Variants in CHP1 observed in about 807,000 individuals in gnomAD.
The protein encoded by CHP1 is calcineurin B homologous protein 1.
In CHP1, 11 loss-of-function variants were observed where a neutral mutation model predicts 27.4. The observed-to-expected ratio is 0.40, with a 90% CI of 0.25 to 0.67. CHP1 has a LOEUF of 0.67. CHP1 is among the 30% of genes least tolerant of loss of function. The pLI is 0.38. For missense variants in CHP1, 169 were observed against 251.3 expected (o/e 0.67, Z 2.22); for synonymous variants, 89 against 87.4 (o/e 1.02, Z -0.10).
chr15:41,253,660 T>C (rs954050267), intron 2 of CHP1, among the ~76,000 whole-genome samples: 4 of 151,710 alleles, frequency 2.6e-5, no homozygotes, highest in African/African-American at 9.7e-5. Flanking sequence ...TTCACCGTGT[T>C]AGCCAGGTTG....
At chr15:41,267,929 TAAA>T (rs57565577) in intron 4 of CHP1, among the ~76,000 whole-genome samples, 7 of 117,244 alleles carry the variant, frequency 6.0e-5, no homozygotes, top group Non-Finnish European at 1.1e-4. Flanking sequence ...CCCTATCTCT[TAAA>T]AAAAAAAAAA....
chr15:41,271,896 A>G (rs976772562), intron 5 of CHP1, among the ~76,000 whole-genome samples: 1 of 152,208 alleles, frequency 6.6e-6, no homozygotes, highest in Non-Finnish European at 1.5e-5. Flanking sequence ...TGTTCTGAAG[A>G]AAAAAAGACA....
chr15:41,278,708 T>C, intron 5 of CHP1, 59 bp from the exon 6 acceptor site: 6 of 1,606,560 alleles, frequency 3.7e-6, no homozygotes, highest in Non-Finnish European at 5.1e-6. Flanking sequence ...TTTTTAATCT[T>C]AGTAAAGAGT....
intron 1 of CHP1, among the ~76,000 whole-genome samples, chr15:41,238,645 C>T (rs992438169): frequency 1.3e-5 from 2 of 151,516 alleles, no homozygotes; most frequent in East Asian, 3.9e-4. Flanking sequence ...TCGAGATCAT[C>T]CTGGCTAACA....
intron 1 of CHP1, 148 bp downstream of exon 1, chr15:41,231,597 C>T (rs569780691): frequency 2.8e-6 from 2 of 710,414 alleles, no homozygotes; most frequent in Non-Finnish European, 4.9e-6. Flanking sequence ...AGCTGGAAGA[C>T]CTGTTCTTCC....
At chr15:41,236,781 A>C (rs1461247722) in intron 1 of CHP1, among the ~76,000 whole-genome samples, 3 of 152,098 alleles carry the variant, frequency 2.0e-5, no homozygotes, top group African/African-American at 7.2e-5. Context: ...TTTACGTAAC[A>C]ACAATACTAT....
At chr15:41,248,118 G>T (rs923360219) in intron 2 of CHP1, among the ~76,000 whole-genome samples, 3 of 151,970 alleles carry the variant, frequency 2.0e-5, no homozygotes, top group African/African-American at 7.2e-5. Context: ...TATCTATGAT[G>T]TGCCAGACAC....
chr15:41,233,906 G>A (rs6492993), intron 1 of CHP1, among the ~76,000 whole-genome samples: 76,343 of 151,892 alleles, frequency 0.5, 20,750 homozygotes, highest in African/African-American at 0.72. Flanking sequence ...GGAACCATCA[G>A]TTTATCCAAA....
In CHP1 at chr15:41,262,843, T is replaced by A; in HGVS notation, c.309T>A (p.Asn103Lys). Residue 103 changes from asparagine (N) to lysine (K), a missense_variant, in exon 4 of 7, where the codon AAT becomes AAA. Coordinates refer to ENST00000334660, the MANE Select transcript of CHP1 (RefSeq NM_007236.5). ...IEDNEKSKDVNGPEPLNSRSN... is the reference protein window; with the variant it reads ...IEDNEKSKDVKGPEPLNSRSN... ...ATAATGAAAAGAGCAAAGATGTGAA[T>A]GGACCCGAACCACTCAACAGCCGAA... 6.2e-7 allele frequency: 1 copy of A among 1,614,178 alleles called. No individual in the cohort carries two copies. The highest frequency in any genetic ancestry group is 1.3e-5 in the African/African-American group (1 of 75,056).
At chr15:41,277,762 T>A (rs1401881558) in intron 5 of CHP1, among the ~76,000 whole-genome samples, 1 of 138,258 alleles carries the variant, frequency 7.2e-6, no homozygotes, top group Non-Finnish European at 1.5e-5. Flanking sequence ...CACTCCAGCC[T>A]GGGCAACAAG....
Position 41,231,317 on chromosome 15 carries a change from C to G in CHP1, c.-66C>G. Reference sequence around the variant, plus strand: ...CTTGACCCCTAGCCCTTCCTTCCCTCCCTCCTTCCCTCCTGTCGCCGTCTC... The same window carrying G: ...CTTGACCCCTAGCCCTTCCTTCCCTGCCTCCTTCCCTCCTGTCGCCGTCTC... On this transcript the variant is annotated 5_prime_UTR_variant, in exon 1 of 7. Coordinates refer to ENST00000334660, the MANE Select transcript of CHP1 (RefSeq NM_007236.5). The G allele has an allele frequency of 6.8e-7, 1 of 1,460,438 alleles. No individual in the cohort carries two copies. The highest frequency in any genetic ancestry group is 9.4e-7 in the Non-Finnish European group (1 of 1,062,472). 90.5% of individuals were successfully genotyped at this position (1,460,438 alleles called of 1,614,324 possible). A position where few individuals can be genotyped will look rare whatever the true frequency, so the allele number is the denominator to read the frequency against.
At position 41,279,491 on chromosome 15, in the gene CHP1, A is replaced by C; in HGVS notation, c.*102A>C. The C allele has an allele frequency of 2.1e-6, 2 of 955,652 alleles. No homozygotes were observed. Among genetic ancestry groups the C allele is most frequent in the Non-Finnish European group, 3.3e-6 (2 of 604,696 alleles). The allele number at this position is 955,652 out of a possible 1,614,324, so 59.2% of individuals were successfully genotyped here. A position where few individuals can be genotyped will look rare whatever the true frequency, so the allele number is the denominator to read the frequency against. On this transcript the variant is annotated 3_prime_UTR_variant, in exon 7 of 7. Coordinates refer to ENST00000334660, the MANE Select transcript of CHP1 (RefSeq NM_007236.5). ...CCACCCCCTCATTCCCCTTCTCCCA[A>C]AGTACTACTGCTGTTGCATGACAAC...
chr15:41,253,247 T>C (rs1222522648), intron 2 of CHP1, among the ~76,000 whole-genome samples: 4 of 151,526 alleles, frequency 2.6e-5, no homozygotes, highest in Non-Finnish European at 5.9e-5. Flanking sequence ...TTCGGATGGA[T>C]CTTATGCTTG....
chr15:41,267,715 G>A (rs1459534000), intron 4 of CHP1, among the ~76,000 whole-genome samples: 1 of 150,462 alleles, frequency 6.6e-6, no homozygotes, highest in African/African-American at 2.4e-5. Flanking sequence ...AAAGGTAAAG[G>A]TTTGTAGCCT....
chr15:41,279,114 G>A (rs1390260791), intron 6 of CHP1, among the ~76,000 whole-genome samples: 6 of 151,926 alleles, frequency 3.9e-5, no homozygotes, highest in African/African-American at 1.5e-4. Flanking sequence ...GGGAGGCTGA[G>A]GCAGGAGAAT....
chr15:41,269,306 A>C (rs1199380063), intron 4 of CHP1, among the ~76,000 whole-genome samples: 1 of 152,252 alleles, frequency 6.6e-6, no homozygotes, highest in Non-Finnish European at 1.5e-5. Flanking sequence ...TTTCTCTGGA[A>C]TTCTGATATA....
chr15:41,240,621 C>T (rs966470914), intron 1 of CHP1, among the ~76,000 whole-genome samples: 4 of 151,642 alleles, frequency 2.6e-5, no homozygotes, highest in Non-Finnish European at 5.9e-5. Context: ...GGTGTGGTGG[C>T]GCATGCCTAT....
chr15:41,249,462 C>CT (rs1163537727), intron 2 of CHP1, among the ~76,000 whole-genome samples: 3,760 of 78,486 alleles, frequency 0.048, 704 homozygotes, highest in South Asian at 0.07. Context: ...CCTTCACCTT[C>CT]TTTTTTTTTT....
At chr15:41,278,717 G>T (rs767897365) in intron 5 of CHP1, 50 bp from the exon 6 acceptor site, 124 of 1,611,344 alleles carry the variant, frequency 7.7e-5, no homozygotes, top group Non-Finnish European at 3.0e-5. Flanking sequence ...TTAGTAAAGA[G>T]TCCCTCTGAT....
Sources: gnomAD v4.1 joint callset for allele counts (sites outside exome capture counted in the v4.1 genomes callset) on GRCh38, gnomAD v4.1.1 for gene constraint, MANE v1.5 for transcripts, NCBI Gene and HGNC (gene_info 2026-07-23, HGNC 2026-07-21) for gene names.